The following C1QTNF7 variants were observed in gnomAD, a reference collection of about 807,000 sequenced individuals.
C1QTNF7 encodes C1q and TNF related 7, also known as complement C1q tumor necrosis factor-related protein 7.
C1QTNF7 carries 15 observed loss-of-function variants against 19.6 expected under a neutral mutation model. The ratio of observed to expected loss-of-function variants is 0.76; its 90% CI spans 0.51 to 1.18. The LOEUF is 1.18. C1QTNF7 is among the 50% of genes most tolerant of loss of function. The pLI is 0.00. For synonymous variants in C1QTNF7, 142 were observed against 137.5 expected (o/e 1.03, Z -0.23); for missense variants, 324 against 359.7 (o/e 0.90, Z 0.80).
chr4:15,380,582 C>G (rs1718099354), intron 1 of C1QTNF7, among the ~76,000 whole-genome samples: 2 of 152,328 alleles, frequency 1.3e-5, no homozygotes, highest in South Asian at 2.1e-4. Context: ...TAGGGTTACC[C>G]CTAGCTGCAA....
chr4:15,386,541 ACAAGT>A (rs1718342990), intron 1 of C1QTNF7, among the ~76,000 whole-genome samples: 1 of 152,188 alleles, frequency 6.6e-6, no homozygotes, highest in African/African-American at 2.4e-5. Context: ...AGATGACCAT[ACAAGT>A]CATGGAGAAA....
chr4:15,437,742 C>G (rs1712592355), intron 2 of C1QTNF7, among the ~76,000 whole-genome samples: 1 of 149,582 alleles, frequency 6.7e-6, no homozygotes, highest in African/African-American at 2.4e-5. Context: ...GTTTCTCAAC[C>G]TCTGCACTAA....
chr4:15,347,377 G>T (rs900354380), intron 1 of C1QTNF7, among the ~76,000 whole-genome samples: 5 of 152,190 alleles, frequency 3.3e-5, no homozygotes, highest in African/African-American at 9.6e-5. Flanking sequence ...GCAAGAAAAA[G>T]TTATCTTTCC....
chr4:15,358,119 T>TG (rs1717208510), intron 1 of C1QTNF7: 1 of 152,174 alleles, frequency 6.6e-6, no homozygotes, highest in African/African-American at 2.4e-5. Context: ...TCCAATACTG[T>TG]GTTGAATAGG....
chr4:15,364,678 A>G (rs1012794036), intron 1 of C1QTNF7, among the ~76,000 whole-genome samples: 6 of 152,228 alleles, frequency 3.9e-5, no homozygotes, highest in African/African-American at 1.2e-4. Flanking sequence ...TAAACTTTCC[A>G]TATTGTATAC....
At chr4:15,426,410 G>A (rs1225221569), upstream of C1QTNF7, among the ~76,000 whole-genome samples, 1 of 152,028 alleles carries the variant, frequency 6.6e-6, no homozygotes, top group African/African-American at 2.4e-5. Flanking sequence ...CATTCTCTCT[G>A]GGAAAAAGAA....
At chr4:15,415,476 A>T (rs921892664) in intron 1 of C1QTNF7, among the ~76,000 whole-genome samples, 1 of 152,242 alleles carries the variant, frequency 6.6e-6, no homozygotes, top group Non-Finnish European at 1.5e-5. Context: ...AGACCAAAGG[A>T]ATATGCTTAT....
At chr4:15,366,813 G>A (rs1009542079) in intron 1 of C1QTNF7, among the ~76,000 whole-genome samples, 6 of 152,222 alleles carry the variant, frequency 3.9e-5, no homozygotes, top group African/African-American at 1.2e-4. Context: ...CTAAGTGAGA[G>A]CTTCATTGTT....
At chr4:15,421,183 G>GA (rs955560569) in intron 1 of C1QTNF7, among the ~76,000 whole-genome samples, 14 of 148,724 alleles carry the variant, frequency 9.4e-5, no homozygotes, top group African/African-American at 2.2e-4. Context: ...CGAGATGACT[G>GA]AAAAAAAAAG....
intron 1 of C1QTNF7, among the ~76,000 whole-genome samples, chr4:15,384,153 T>C (rs890939925): frequency 6.6e-6 from 1 of 152,172 alleles, no homozygotes; most frequent in Non-Finnish European, 1.5e-5. Context: ...ATGACTATGA[T>C]AATGTTTTTC....
chr4:15,368,119 G>C (rs1209715487), intron 1 of C1QTNF7, among the ~76,000 whole-genome samples: 1 of 151,910 alleles, frequency 6.6e-6, no homozygotes, highest in African/African-American at 2.4e-5. Flanking sequence ...TGTCACTGTG[G>C]ACTTAGTTGC....
chr4:15,433,721 G>A (rs995557569), intron 1 of C1QTNF7, among the ~76,000 whole-genome samples: 1 of 152,108 alleles, frequency 6.6e-6, no homozygotes, highest in Admixed American at 6.5e-5. Flanking sequence ...ATCTCCAGGC[G>A]GCCTCCTCGG....
At position 15,445,950 on chromosome 4, in the gene C1QTNF7, T is replaced by G. The variant is rs1666591173; in HGVS notation, c.*3151T>G. 1 of 152,034 alleles carries G rather than the reference T, an allele frequency of 6.6e-6. No individual in the cohort carries two copies. The highest frequency in any genetic ancestry group is 2.1e-4 in the South Asian group (1 of 4,830). The allele number at this position is 152,034 out of a possible 1,614,324, so 9.4% of individuals were successfully genotyped here. ...AAAAAAGAAAATAATGAGGCTAATA[T>G]AATGCTGTGTGTACATGAACATGAA... On this transcript the variant is annotated 3_prime_UTR_variant, in exon 3 of 3. Coordinates refer to ENST00000444304, the MANE Select transcript of C1QTNF7 (RefSeq NM_031911.5).
At chr4:15,352,212 T>C (rs1240505491) in intron 1 of C1QTNF7, among the ~76,000 whole-genome samples, 1 of 152,176 alleles carries the variant, frequency 6.6e-6, no homozygotes, top group Non-Finnish European at 1.5e-5. Context: ...CCATTGTGTG[T>C]CCAATATGTC....
intron 1 of C1QTNF7, among the ~76,000 whole-genome samples, chr4:15,344,499 C>A (rs1255520468): frequency 6.6e-6 from 1 of 152,154 alleles, no homozygotes; most frequent in African/African-American, 2.4e-5. Flanking sequence ...ACCCTCAGGC[C>A]TCAGTAAATC....
intron 1 of C1QTNF7, among the ~76,000 whole-genome samples, chr4:15,388,331 G>A (rs1233247297): frequency 6.6e-6 from 1 of 152,172 alleles, no homozygotes; most frequent in African/African-American, 2.4e-5. Context: ...GAGAGCAGTC[G>A]ACATGCTTGT....
intron 1 of C1QTNF7, among the ~76,000 whole-genome samples, chr4:15,378,893 T>G (rs6449134): frequency 0.62 from 94,519 of 152,034 alleles, 30,720 homozygotes; most frequent in East Asian, 0.89. Flanking sequence ...AGATCACCAT[T>G]CAGAGAACTT....
intron 1 of C1QTNF7, chr4:15,358,131 G>A (rs1717208665): frequency 1.3e-5 from 2 of 152,206 alleles, no homozygotes; most frequent in South Asian, 4.1e-4. Context: ...TTGAATAGGA[G>A]TGGTGAGAGA....
At chr4:15,373,109 T>TTTA (rs1235583380) in intron 1 of C1QTNF7, among the ~76,000 whole-genome samples, 16 of 152,226 alleles carry the variant, frequency 1.1e-4, no homozygotes, top group Admixed American at 9.8e-4. Context: ...ACAACAGAAA[T>TTTA]TTATTTCTGA....
Sources: gnomAD v4.1 joint callset for allele counts (sites outside exome capture counted in the v4.1 genomes callset) on GRCh38, gnomAD v4.1.1 for gene constraint, MANE v1.5 for transcripts, NCBI Gene and HGNC (gene_info 2026-07-23, HGNC 2026-07-21) for gene names.